Variants in RNF141 observed in about 807,000 individuals in gnomAD.
RNF141 encodes the protein ring finger protein 141.
RNF141 carries 18 observed loss-of-function variants against 27.4 expected under a neutral mutation model. The ratio of observed to expected loss-of-function variants is 0.66; its 90% confidence interval spans 0.45 to 0.97. The LOEUF (loss-of-function observed/expected upper bound fraction) is 0.97. Among genes scored for constraint, RNF141 ranks in the 50% least tolerant of loss-of-function variants. The pLI is 0.00. For synonymous variants in RNF141, 97 were observed against 96.6 expected (o/e 1.00, Z -0.02); for missense variants, 230 against 279.4 (o/e 0.82, Z 1.26).
In RNF141 at chr11:10,514,312, T is replaced by G. The variant is rs993308407; in HGVS notation, c.*604A>C. ...ATGGCAAAAACAAACAAACAAACCT[T>G]TAAGTACAGTAGTTCCAAAACACAC... On this transcript the variant is annotated 3_prime_UTR_variant, in exon 6 of 6. Coordinates refer to ENST00000265981, the MANE Select transcript of RNF141 (RefSeq NM_016422.4). The G allele has an allele frequency of 6.6e-6, 1 of 152,348 alleles. No individual in the cohort carries two copies. Among genetic ancestry groups the G allele is most frequent in the Non-Finnish European group, 1.5e-5 (1 of 68,008 alleles). The allele number at this position is 152,348 out of a possible 1,614,324, so 9.4% of individuals were successfully genotyped here.
intron 1 of RNF141, among the ~76,000 whole-genome samples, chr11:10,534,864 C>T (rs964761382): frequency 7.9e-5 from 12 of 152,020 alleles, no homozygotes; most frequent in Admixed American, 6.5e-4. Context: ...TAGATGTGTA[C>T]CTTAGTTTTA....
In RNF141 at chr11:10,525,216, C is replaced by T. The variant is rs1849921720; in HGVS notation, c.410G>A (p.Cys137Tyr). 3 of 1,608,592 alleles carry T rather than the reference C, an allele frequency of 1.9e-6. No individual in the cohort carries two copies. Among genetic ancestry groups the T allele is most frequent in the African/African-American group, 1.3e-5 (1 of 74,924 alleles). The change falls in exon 4 of 6, where the codon TGT (cysteine) becomes TAT (tyrosine). Residue 137 changes from cysteine to tyrosine, a missense_variant. Transcript: ENST00000265981. ...PDENSSSVTS[C>Y]QASLWMGRVK... ...CCTTCCCATCCAAAGACTAGCCTGACAAGATGTTACAGAGGATGAGTTTTC... is the reference window on the plus strand; with the variant it reads ...CCTTCCCATCCAAAGACTAGCCTGATAAGATGTTACAGAGGATGAGTTTTC...
intron 4 of RNF141, 115 bp downstream of exon 4, chr11:10,525,077 C>G: frequency 1.6e-6 from 1 of 624,118 alleles, no homozygotes; most frequent in Admixed American, 5.8e-5. Context: ...ACAATACCAA[C>G]TGAGAAAAAA....
At chr11:10,520,418 G>A (rs374286180) in intron 4 of RNF141, among the ~76,000 whole-genome samples, 1 of 152,004 alleles carries the variant, frequency 6.6e-6, no homozygotes, top group African/African-American at 2.4e-5. Context: ...CCTAAACAGC[G>A]TCAGGATCAC....
intron 4 of RNF141, among the ~76,000 whole-genome samples, chr11:10,521,898 T>C (rs1384388221): frequency 3.3e-5 from 5 of 152,176 alleles, no homozygotes; most frequent in Non-Finnish European, 7.4e-5. Flanking sequence ...TGTCAAAATA[T>C]TAAGTTTGAA....
rs1564864769 is a variant in RNF141, at chr11:10,515,080, CA to C, written c.543-15del. On this transcript the variant is annotated splice_polypyrimidine_tract_variant and intron_variant, in intron 5 of 5. Coordinates refer to ENST00000265981, the MANE Select transcript of RNF141 (RefSeq NM_016422.4). ...TGTCGATCACTCCTATTAGAGAAGT[CA>C]AAACAAAACAGTTTGCTTTCTTCTT... 2 of 1,590,326 alleles carry C rather than the reference CA, an allele frequency of 1.3e-6. No homozygotes were observed. Among genetic ancestry groups the C allele is most frequent in the South Asian group, 2.3e-5 (2 of 86,806 alleles).
At chr11:10,529,284 A>C (rs1042408887) in intron 3 of RNF141, among the ~76,000 whole-genome samples, 8 of 152,194 alleles carry the variant, frequency 5.3e-5, no homozygotes, top group Non-Finnish European at 1.0e-4. Flanking sequence ...CTGGGTCTTT[A>C]ATTTAACCAA....
intron 2 of RNF141, 138 bp downstream of exon 2, chr11:10,533,867 TAATAGATACTC>T (rs1850010580): frequency 3.0e-6 from 2 of 663,688 alleles, no homozygotes; most frequent in Non-Finnish European, 4.9e-6. Flanking sequence ...AGTCAACTTA[TAATAGATACTC>T]AATAAGTATT....
chr11:10,536,336 G>T (rs7126551), intron 1 of RNF141, among the ~76,000 whole-genome samples: 104,055 of 151,930 alleles, frequency 0.68, 36,002 homozygotes, highest in East Asian at 0.85. Flanking sequence ...AAGGCCACAA[G>T]GACTAAAGCA....
At chr11:10,518,255 G>A (rs948604029) in intron 5 of RNF141, 2 of 151,732 alleles carry the variant, frequency 1.3e-5, no homozygotes, top group Non-Finnish European at 2.9e-5. Context: ...ATTCACCCAA[G>A]AAAAAAACCA....
chr11:10,532,245 T>C (rs994200846), intron 2 of RNF141, among the ~76,000 whole-genome samples: 1 of 152,328 alleles, frequency 6.6e-6, no homozygotes. Context: ...TCCACTCTTA[T>C]GTTACTAAAT....
chr11:10,539,814 A>G (rs985698758), intron 1 of RNF141, among the ~76,000 whole-genome samples: 1 of 150,532 alleles, frequency 6.6e-6, no homozygotes, highest in Non-Finnish European at 1.5e-5. Flanking sequence ...TATTGGAAAA[A>G]GCATATTAGA....
rs750812787 is a variant in RNF141, at chr11:10,514,989, G to A, written c.620C>T (p.Ala207Val). 17 of 1,613,912 alleles carry A rather than the reference G, an allele frequency of 1.1e-5. No homozygotes were observed. Among genetic ancestry groups the A allele is most frequent in the Non-Finnish European group, 8.5e-6 (10 of 1,179,892 alleles). The stretch of plus-strand genomic sequence containing the variant: ...GTTAGCCATATCATCTTCAGTGGGT[G>A]CATCTGATACCACCCAAGATTCATT... ...GANESWVVSD[A>V]PTEDDMANYI... Residue 207 changes from alanine to valine, a missense_variant, in exon 6 of 6, where the codon GCA (alanine) becomes GTA (valine). By Grantham distance (64) the Ala-to-Val change is moderately conservative. Transcript: ENST00000265981.
chr11:10,519,784 G>C (rs953067664), intron 4 of RNF141, among the ~76,000 whole-genome samples: 2 of 150,590 alleles, frequency 1.3e-5, no homozygotes, highest in Non-Finnish European at 3.0e-5. Flanking sequence ...CACCTGTATA[G>C]GGCACTTACC....
chr11:10,524,224 G>C (rs1418537948), intron 4 of RNF141, among the ~76,000 whole-genome samples: 1 of 152,154 alleles, frequency 6.6e-6, no homozygotes, highest in East Asian at 1.9e-4. Context: ...GACCGTCCTG[G>C]CTAACACGGT....
Position 10,514,733 on chromosome 11 carries a change from TA to T in RNF141, c.*182del. The stretch of plus-strand genomic sequence containing the variant: ...GGTCTAAAACAGTAGCAAATTTTAG[TA>T]CCACAAATGGAAGACATGGGAAGTT... On this transcript the variant is annotated 3_prime_UTR_variant, in exon 6 of 6. Transcript: ENST00000265981. 2 of 521,824 alleles carry T rather than the reference TA, an allele frequency of 3.8e-6. No individual in the cohort carries two copies. Among genetic ancestry groups the T allele is most frequent in the Non-Finnish European group, 6.4e-6 (2 of 313,106 alleles). 32.3% of individuals were successfully genotyped at this position (521,824 alleles called of 1,614,324 possible). A position where few individuals can be genotyped will look rare whatever the true frequency, so the allele number is the denominator to read the frequency against.
Position 10,525,301 on chromosome 11 carries a change from C to T in RNF141, c.325G>A (p.Asp109Asn), listed in dbSNP as rs575306687. ...ACTCCTGCTGCTTGACTTGTGATATCTTTATAAAGTTGAATAAACTGGTAT... is the reference window on the plus strand; with the variant it reads ...ACTCCTGCTGCTTGACTTGTGATATTTTTATAAAGTTGAATAAACTGGTAT... Reference protein sequence around the residue: ...NLYQFIQLYKDITSQAAGVLA... With the variant: ...NLYQFIQLYKNITSQAAGVLA... The change falls in exon 4 of 6, where the codon GAT becomes AAT. Residue 109 changes from aspartate to asparagine, a missense_variant. Transcript: ENST00000265981. 6.2e-7 allele frequency: 1 copy of T among 1,613,168 alleles called. No homozygotes were observed. Among genetic ancestry groups the T allele is most frequent in the East Asian group, 2.2e-5 (1 of 44,860 alleles).
intron 4 of RNF141, among the ~76,000 whole-genome samples, chr11:10,524,563 A>G (rs1396780124): frequency 6.6e-6 from 1 of 152,230 alleles, no homozygotes; most frequent in Admixed American, 6.5e-5. Flanking sequence ...ACAAATTTAA[A>G]TTATGATCAT....
intron 1 of RNF141, 143 bp from the exon 2 acceptor site, chr11:10,534,348 G>T: frequency 1.8e-6 from 1 of 548,530 alleles, no homozygotes; most frequent in East Asian, 3.1e-5. Flanking sequence ...GAATTTAAAT[G>T]ACTCTGTTTT....
Sources: allele counts gnomAD v4.1 joint callset (sites outside exome capture counted in the v4.1 genomes callset), GRCh38; gene constraint gnomAD v4.1.1; transcripts MANE v1.5; gene names NCBI Gene and HGNC (gene_info 2026-07-23, HGNC 2026-07-21).